TXNRD1: variants seen among roughly 807,000 people sequenced by gnomAD.
TXNRD1 encodes thioredoxin reductase 1, cytoplasmic.
TXNRD1 carries 57 observed loss-of-function variants against 80.3 expected under a neutral mutation model. The ratio of observed to expected loss-of-function variants is 0.71; its 90% CI spans 0.57 to 0.89. The LOEUF is 0.89. Ranked by LOEUF, TXNRD1 falls within the 40% of genes least tolerant of loss-of-function variation. TXNRD1 has a pLI of 0.00. For synonymous variants in TXNRD1, 291 were observed against 285.2 expected (o/e 1.02, Z -0.20); for missense variants, 730 against 803.0 (o/e 0.91, Z 1.10).
In TXNRD1 at chr12:104,290,965, T is replaced by C. The variant is rs945863339; in HGVS notation, c.414+1925T>C. 2.4e-5 allele frequency: 16 copies of C among 662,180 alleles called. No homozygotes were observed. The African/African-American group carries it at 2.8e-4, about 11-fold the overall frequency. The allele number at this position is 662,180 out of a possible 1,614,324, so 41.0% of individuals were successfully genotyped here. A position where few individuals can be genotyped will look rare whatever the true frequency, so the allele number is the denominator to read the frequency against. Reference sequence around the variant, plus strand: ...TGATGTTCTGATGTTTTTTCTTTTTTTTTAATTGAAAACTTTTTTTTCTTT... The same window carrying C: ...TGATGTTCTGATGTTTTTTCTTTTTCTTTAATTGAAAACTTTTTTTTCTTT... On this transcript the variant is annotated intron_variant, in intron 4 of 16. Coordinates refer to ENST00000525566, the MANE Select transcript of TXNRD1 (RefSeq NM_001093771.3).
intron 4 of TXNRD1, 161 bp downstream of exon 4, chr12:104,289,201 G>A (rs772229868): frequency 4.3e-6 from 3 of 694,618 alleles, no homozygotes; most frequent in Non-Finnish European, 6.7e-6. Context: ...TGTGTTAATC[G>A]AAGTTGATGA....
intron 5 of TXNRD1, among the ~76,000 whole-genome samples, chr12:104,312,307 G>T (rs1217573328): frequency 6.6e-6 from 1 of 152,140 alleles, no homozygotes; most frequent in Non-Finnish European, 1.5e-5. Context: ...TAGGAGTGAG[G>T]CTCCTGGTTC....
Position 104,319,527 on chromosome 12 carries a change from A to G in TXNRD1, c.931A>G (p.Thr311Ala), listed in dbSNP as rs771238802. The G allele has an allele frequency of 3.7e-6, 6 of 1,605,408 alleles. 1 individual carries two copies. In the Admixed American group the frequency reaches 8.5e-5, roughly 23 times the overall value. ...IYSAERFLIA[T>A]GERPRYLGIP... Reference sequence around the variant, plus strand: ...TTCAGCAGAGAGATTTCTCATTGCCACTGGTGAAAGACCACGTTACTTGGG... The same window carrying G: ...TTCAGCAGAGAGATTTCTCATTGCCGCTGGTGAAAGACCACGTTACTTGGG... The change falls in exon 9 of 17, where the codon ACT (threonine) becomes GCT (alanine). Residue 311 changes from threonine (T) to alanine (A), a missense_variant. Transcript: ENST00000525566.
intron 3 of TXNRD1, chr12:104,276,539 C>T (rs1337361640): frequency 6.6e-6 from 1 of 152,212 alleles, no homozygotes; most frequent in Non-Finnish European, 1.5e-5. Context: ...CTCCCCACCA[C>T]CACTCAGAAC....
At chr12:104,262,707 A>G (rs1471136357) in intron 3 of TXNRD1, 1 of 152,374 alleles carries the variant, frequency 6.6e-6, no homozygotes, top group Admixed American at 6.5e-5. Flanking sequence ...GGCTCTGTAT[A>G]CTAAGCACTG....
Position 104,321,239 on chromosome 12 carries a change from C to T in TXNRD1, c.1138C>T (p.Gln380Ter), listed in dbSNP as rs753915216. 1.2e-6 allele frequency: 2 copies of T among 1,613,746 alleles called. No homozygotes were observed. The highest frequency in any genetic ancestry group is 1.7e-6 in the Non-Finnish European group (2 of 1,179,828). Residue 380 changes from glutamine to a stop codon, truncating the protein, a stop_gained, in exon 10 of 17, where the codon CAG becomes TAG. Transcript: ENST00000525566. LOFTEE classifies it high-confidence loss of function. ...VRSILLRGFDQDMANKIGEHM... is the reference protein window; with the variant it reads ...VRSILLRGFD ...GTCCATTCTTCTTAGAGGATTTGAC[C>T]AGGACATGGCCAACAAAATTGGTGA...
At chr12:104,268,056 G>T (rs975972439) in intron 3 of TXNRD1, among the ~76,000 whole-genome samples, 1 of 151,242 alleles carries the variant, frequency 6.6e-6, no homozygotes, top group African/African-American at 2.4e-5. Context: ...TCATCATGTT[G>T]TCCAGGCTGG....
chr12:104,266,957 G>A (rs1319006181), intron 3 of TXNRD1, among the ~76,000 whole-genome samples: 4 of 146,796 alleles, frequency 2.7e-5, no homozygotes, highest in African/African-American at 5.1e-5. Flanking sequence ...GCGAGACTCC[G>A]TCTCAAAAAT....
chr12:104,303,419 C>T (rs573755489), intron 4 of TXNRD1, among the ~76,000 whole-genome samples: 3 of 152,216 alleles, frequency 2.0e-5, no homozygotes, highest in Non-Finnish European at 4.4e-5. Flanking sequence ...CCAGGTCGAC[C>T]TCACTGCAGT....
At chr12:104,254,206 A>G (rs1660664315) in intron 2 of TXNRD1, among the ~76,000 whole-genome samples, 1 of 152,184 alleles carries the variant, frequency 6.6e-6, no homozygotes, top group Admixed American at 6.6e-5. Context: ...TATGAGGATT[A>G]AATTAATTAA....
intron 1 of TXNRD1, among the ~76,000 whole-genome samples, chr12:104,225,980 A>T (rs1203404818): frequency 4.6e-5 from 7 of 152,138 alleles, no homozygotes; most frequent in Non-Finnish European, 1.0e-4. Context: ...TGGGCGGATC[A>T]CCTGAGGTCA....
chr12:104,274,962 C>T (rs564481973), intron 3 of TXNRD1, among the ~76,000 whole-genome samples: 6 of 151,978 alleles, frequency 3.9e-5, no homozygotes, highest in Admixed American at 2.6e-4. Flanking sequence ...GGACACTGAG[C>T]GACCAAAAGC....
At chr12:104,245,598 G>A (rs536569433) in intron 1 of TXNRD1, among the ~76,000 whole-genome samples, 56 of 137,834 alleles carry the variant, frequency 4.1e-4, no homozygotes, top group East Asian at 1.3e-3. Flanking sequence ...GCCGAGATCC[G>A]AGATGGAGCC....
chr12:104,249,980 T>TTAA (rs1188559320), intron 1 of TXNRD1, among the ~76,000 whole-genome samples: 1 of 147,902 alleles, frequency 6.8e-6, no homozygotes, highest in Non-Finnish European at 1.5e-5. Context: ...GACATAATGA[T>TTAA]TAATAATAAT....
chr12:104,315,937 G>T, intron 7 of TXNRD1, 41 bp downstream of exon 7: 1 of 1,570,360 alleles, frequency 6.4e-7, no homozygotes. Context: ...GTGCTTTTGG[G>T]GGTTTGAGCT....
intron 16 of TXNRD1, 129 bp from the exon 17 acceptor site, chr12:104,348,224 A>G: frequency 5.3e-6 from 4 of 748,088 alleles, no homozygotes; most frequent in Non-Finnish European, 9.1e-6. Flanking sequence ...TGATCATACT[A>G]CTTCTCTGTT....
intron 1 of TXNRD1, among the ~76,000 whole-genome samples, chr12:104,249,880 AG>A (rs542304141): frequency 2.2e-4 from 31 of 140,136 alleles, no homozygotes; most frequent in African/African-American, 5.6e-4. Flanking sequence ...GCTTGCAGTG[AG>A]GCCGAGATCG....
chr12:104,220,740 C>T lies in TXNRD1; in HGVS notation c.91+4847C>T, dbSNP rs934629554. Among the ~76,000 whole-genome samples, 22 of 31,878 alleles carry T rather than the reference C, an allele frequency of 6.9e-4. 1 individual carries two copies. Among genetic ancestry groups the T allele is most frequent in the African/African-American group, 2.8e-3 (9 of 3,218 alleles). 20.9% of individuals were successfully genotyped at this position (31,878 alleles called of 152,430 possible). On this transcript the variant is annotated intron_variant, in intron 1 of 16. Transcript: ENST00000525566. Reference sequence around the variant, plus strand: ...AACTCCGTCTCCAAAAAAAAAAAAACGGTGGGGGGGAGGCGGTATTTTAGA... The same window carrying T: ...AACTCCGTCTCCAAAAAAAAAAAAATGGTGGGGGGGAGGCGGTATTTTAGA...
Position 104,287,040 on chromosome 12 carries a change from A to G in TXNRD1, c.305-1891A>G, listed in dbSNP as rs1303238706. The G allele has an allele frequency of 5.7e-6, 8 of 1,394,440 alleles. No individual in the cohort carries two copies. The African/African-American group carries it at 8.7e-5, about 15-fold the overall frequency. 86.4% of individuals were successfully genotyped at this position (1,394,440 alleles called of 1,614,324 possible). On this transcript the variant is annotated intron_variant, in intron 3 of 16. Transcript: ENST00000525566. ...TCACCTCAGTTTTCTTCACTCCGGC[A>G]TTTGCAGCAGAGCGAAAGGTGGTCG...
Sources: allele counts gnomAD v4.1 joint callset (sites outside exome capture counted in the v4.1 genomes callset), GRCh38; gene constraint gnomAD v4.1.1; transcripts MANE v1.5; gene names NCBI Gene and HGNC (gene_info 2026-07-23, HGNC 2026-07-21).